UTY: variants seen among roughly 807,000 people sequenced by gnomAD.
UTY encodes the protein histone demethylase UTY.
UTY carries 12 observed loss-of-function variants against 32.5 expected under a neutral mutation model. The observed-to-expected ratio is 0.37, with a 90% CI of 0.24 to 0.60. The LOEUF is 0.60. Among genes scored for constraint, UTY ranks in the 20% least tolerant of loss-of-function variants. The pLI is 0.69. For synonymous variants in UTY, 131 were observed against 103.4 expected (o/e 1.27, Z -1.62); for missense variants, 303 against 299.2 (o/e 1.01, Z -0.09).
intron 8 of UTY, among the ~76,000 whole-genome samples, chrY:13,387,327 G>GGCT (rs368117686): frequency 8.1e-3 from 270 of 33,321 alleles, no homozygotes; most frequent in African/African-American, 0.03. Flanking sequence ...TAACACAGGT[G>GGCT]GCTTTGGTAA....
At chrY:13,470,384 A>G (rs2078379401) in intron 2 of UTY, among the ~76,000 whole-genome samples, 155 bp from the exon 3 acceptor site, 1 of 33,932 alleles carries the variant, frequency 2.9e-5, no homozygotes, top group African/African-American at 1.1e-4. Flanking sequence ...CAGAGAGGAA[A>G]TAACTTCTCT....
At chrY:13,382,797 G>C (rs780160868) in intron 8 of UTY, among the ~76,000 whole-genome samples, 5 of 33,659 alleles carry the variant, frequency 1.5e-4, no homozygotes, top group Non-Finnish European at 2.2e-4. Flanking sequence ...GTATAAACTA[G>C]AAGTCAATAA....
chrY:13,251,136 T>C lies in UTY; in HGVS notation c.4189A>G (p.Thr1397Ala). The C allele has an allele frequency of 2.5e-6, 1 of 394,497 alleles. No homozygotes were observed. The change falls in exon 29 of 30, where the codon ACC becomes GCC. Residue 1397 changes from threonine (T) to alanine (A), a missense_variant. Coordinates refer to ENST00000545955, the MANE Select transcript of UTY (RefSeq NM_001258249.2). ...FVTNESNTQKTYIVHCHDCAR... is the reference protein window; with the variant it reads ...FVTNESNTQKAYIVHCHDCAR... ...CAATCATGGCAATGTACTATGTAGG[T>C]TTTTTGAGTATTGCTTTCATTAGTG...
chrY:13,239,507 A>C (rs2053878915), intron 28 of UTY, among the ~76,000 whole-genome samples: 1 of 33,590 alleles, frequency 3.0e-5, no homozygotes, highest in Non-Finnish European at 7.4e-5. Context: ...ACACAAAAAA[A>C]ATCTTCTCCA....
At chrY:13,309,477 G>A (rs555645373) in intron 21 of UTY, among the ~76,000 whole-genome samples, 816 of 33,135 alleles carry the variant, frequency 0.025, no homozygotes, top group Middle Eastern at 0.19. Flanking sequence ...TGTGGTCCCA[G>A]TTATTTGGGA....
chrY:13,297,727 T>C lies in UTY; in HGVS notation c.3990A>G (p.Pro1330=). The C allele has an allele frequency of 2.5e-6, 1 of 398,573 alleles. No individual in the cohort carries two copies. Among genetic ancestry groups the C allele is most frequent in the Non-Finnish European group, 3.5e-6 (1 of 283,344 alleles). The change falls in exon 27 of 30, where the codon CCA becomes CCG. Residue 1330 remains proline, a synonymous_variant. Coordinates refer to ENST00000545955, the MANE Select transcript of UTY (RefSeq NM_001258249.2). ...CTTACTTAATCATTTCAAAAAGCTTTGGATCTGAGACTTTGATATTTCGTG... is the reference window on the plus strand; with the variant it reads ...CTTACTTAATCATTTCAAAAAGCTTCGGATCTGAGACTTTGATATTTCGTG... ...NMARNIKVSD[P]KLFEMIKYCL... is the part of the protein sequence containing the mutation.
At chrY:13,266,892 T>C (rs769709069) in intron 27 of UTY, among the ~76,000 whole-genome samples, 1 of 33,252 alleles carries the variant, frequency 3.0e-5, no homozygotes, top group African/African-American at 1.2e-4. Flanking sequence ...ATTTCCATTC[T>C]TTTTCATTTT....
intron 17 of UTY, among the ~76,000 whole-genome samples, chrY:13,340,827 C>T (rs781096840): frequency 3.0e-5 from 1 of 33,246 alleles, no homozygotes; most frequent in East Asian, 8.0e-4. Flanking sequence ...TACAGAAGAG[C>T]GCCGTAGTTA....
intron 21 of UTY, among the ~76,000 whole-genome samples, chrY:13,312,915 G>T: frequency 6.0e-5 from 2 of 33,257 alleles, no homozygotes; most frequent in Non-Finnish European, 1.5e-4. Context: ...TGCTGGCGAG[G>T]ATGTGAAGAA....
chrY:13,249,867 A>T lies in UTY; in HGVS notation c.4324T>A (p.Ser1442Thr). Reference sequence around the variant, plus strand: ...TTCATGGAACTATATCAAGATGAGGATGATAATGAAAGAGCCTAGAAATAA... The same window carrying T: ...TTCATGGAACTATATCAAGATGAGGTTGATAATGAAAGAGCCTAGAAATAA... ...DQFTLALSLS[S>T]SS The change falls in exon 30 of 30, where the codon TCC (serine) becomes ACC (threonine). Residue 1442 changes from serine to threonine, a missense_variant. Ser to Thr is a moderately conservative substitution (Grantham distance 58). Coordinates refer to ENST00000545955, the MANE Select transcript of UTY (RefSeq NM_001258249.2). 1 of 282,043 alleles carries T rather than the reference A, an allele frequency of 3.5e-6. No individual in the cohort carries two copies. Among genetic ancestry groups the T allele is most frequent in the South Asian group, 3.9e-5 (1 of 25,485 alleles). The allele number at this position is 282,043 out of a possible 400,897, so 70.4% of individuals were successfully genotyped here.
chrY:13,301,337 T>TA (rs2058367218), intron 25 of UTY, among the ~76,000 whole-genome samples: 1 of 31,871 alleles, frequency 3.1e-5, no homozygotes, highest in African/African-American at 1.2e-4. Context: ...AATTTTGTAT[T>TA]AAAAAAAAAG....
At chrY:13,368,671 A>G in intron 9 of UTY, among the ~76,000 whole-genome samples, 5 of 32,530 alleles carry the variant, frequency 1.5e-4, no homozygotes, top group Non-Finnish European at 3.8e-4. Context: ...ACTAAGGACT[A>G]TCTTTATACA....
chrY:13,365,532 T>C (rs753187296), intron 10 of UTY, among the ~76,000 whole-genome samples: 3 of 32,416 alleles, frequency 9.3e-5, no homozygotes, highest in Admixed American at 5.8e-4. Context: ...AGGAACTTTT[T>C]ATTTTCTAAG....
At chrY:13,380,082 TATATATATATATATATAC>T (rs2065968499) in intron 8 of UTY, among the ~76,000 whole-genome samples, 1 of 12,240 alleles carries the variant, frequency 8.2e-5, no homozygotes, top group African/African-American at 3.4e-4. Flanking sequence ...TATATATATA[TATATATATATATATATAC>T]ACACACATCT....
In UTY at chrY:13,305,436, T is replaced by C. The variant is rs1476506511; in HGVS notation, c.3528A>G (p.Val1176=). 1.5e-5 allele frequency: 6 copies of C among 393,319 alleles called. No homozygotes were observed. The highest frequency in any genetic ancestry group is 9.3e-5 in the East Asian group (1 of 10,765). The part of the protein sequence containing the change: ...VGHTILGMNT[V]QLYMKVPGSR... The stretch of plus-strand genomic sequence containing the variant: ...TCCCTGGAACTTTCATATACAGTTG[T>C]ACTGTATTCATGCCCAGAATGGTAT... The change falls in exon 24 of 30, where the codon GTA becomes GTG. Residue 1176 remains valine (V), a synonymous_variant. Coordinates refer to ENST00000545955, the MANE Select transcript of UTY (RefSeq NM_001258249.2).
At chrY:13,329,071 C>T (rs934862358) in intron 18 of UTY, among the ~76,000 whole-genome samples, 1 of 33,444 alleles carries the variant, frequency 3.0e-5, no homozygotes, top group Admixed American at 2.7e-4. Context: ...AGTTAATATA[C>T]ATTTAATGGC....
intron 2 of UTY, among the ~76,000 whole-genome samples, chrY:13,471,694 G>A (rs1603482256): frequency 3.1e-5 from 1 of 31,869 alleles, no homozygotes. Context: ...ATGGTGGTGC[G>A]CATCTGTAGT....
chrY:13,406,703 A>C, intron 6 of UTY, among the ~76,000 whole-genome samples: 1 of 29,915 alleles, frequency 3.3e-5, no homozygotes, highest in Non-Finnish European at 8.1e-5. Flanking sequence ...TTATGTATAT[A>C]TATATCCCTC....
At chrY:13,442,377 G>T (rs975878956) in intron 4 of UTY, among the ~76,000 whole-genome samples, 2 of 32,582 alleles carry the variant, frequency 6.1e-5, no homozygotes, top group Middle Eastern at 0.014. Flanking sequence ...GACTCTCCTT[G>T]TAAGTGTAAT....
Sources: allele counts gnomAD v4.1 joint callset (sites outside exome capture counted in the v4.1 genomes callset), GRCh38; gene constraint gnomAD v4.1.1; transcripts MANE v1.5; gene names NCBI Gene and HGNC (gene_info 2026-07-23, HGNC 2026-07-21).